Variants in TENM2 observed in about 807,000 individuals in gnomAD.
The protein encoded by TENM2 is teneurin transmembrane protein 2.
In TENM2, 52 loss-of-function variants were observed where a neutral mutation model predicts 245.2. The ratio of observed to expected loss-of-function variants is 0.21; its 90% confidence interval spans 0.17 to 0.27. The LOEUF (loss-of-function observed/expected upper bound fraction) is 0.27, where lower values mean the gene tolerates loss of function less well. Ranked by LOEUF, TENM2 falls within the 10% of genes least tolerant of loss-of-function variation. TENM2 has a pLI of 1.00. For missense variants in TENM2, 3,046 were observed against 3,666.8 expected, an observed-to-expected ratio of 0.83 and a Z score of 4.37; for synonymous variants, 1,363 against 1,438.9, an observed-to-expected ratio of 0.95 and a Z score of 1.19.
At chr5:167,289,202 G>A (rs1754501118) in intron 1 of TENM2, among the ~76,000 whole-genome samples, 1 of 152,144 alleles carries the variant, frequency 6.6e-6, no homozygotes, top group Non-Finnish European at 1.5e-5. Flanking sequence ...CTCCCTTATG[G>A]TCATCACCTT....
intron 2 of TENM2, among the ~76,000 whole-genome samples, chr5:167,744,820 CAAACAAAACA>C (rs144300762): frequency 7.5e-5 from 11 of 145,700 alleles, no homozygotes; most frequent in South Asian, 2.1e-4. Flanking sequence ...AACAAACAAA[CAAACAAAACA>C]AAACAAAACA....
the TENM2 span, among the ~76,000 whole-genome samples, chr5:167,244,395 A>G: frequency 2.6e-5 from 4 of 152,244 alleles, no homozygotes; most frequent in Admixed American, 6.5e-5. Flanking sequence ...TTATATTTAA[A>G]GAAAAACAGG....
chr5:167,281,190 C>T (rs1302662247), upstream of TENM2, among the ~76,000 whole-genome samples: 1 of 151,186 alleles, frequency 6.6e-6, no homozygotes, highest in African/African-American at 2.4e-5. Flanking sequence ...CTCACTGCAA[C>T]CTCCGCTTTC....
chr5:168,102,334 A>G (rs1016570562), intron 9 of TENM2, among the ~76,000 whole-genome samples: 1 of 152,192 alleles, frequency 6.6e-6, no homozygotes, highest in African/African-American at 2.4e-5. Context: ...CAGCCTCCCA[A>G]AGTGCTGGGA....
chr5:167,671,115 G>A (rs909727535), intron 2 of TENM2, among the ~76,000 whole-genome samples: 1 of 152,046 alleles, frequency 6.6e-6, no homozygotes, highest in Non-Finnish European at 1.5e-5. Flanking sequence ...AAGTATAGAG[G>A]ATATAGAAGA....
the TENM2 span, among the ~76,000 whole-genome samples, chr5:167,085,917 C>T: frequency 6.6e-6 from 1 of 152,208 alleles, no homozygotes; most frequent in Non-Finnish European, 1.5e-5. Context: ...GCGATCACTA[C>T]TCTTGTATTG....
intron 2 of TENM2, among the ~76,000 whole-genome samples, chr5:167,449,467 T>C (rs1048012325): frequency 6.6e-6 from 1 of 151,938 alleles, no homozygotes; most frequent in African/African-American, 2.4e-5. Flanking sequence ...TAACAATGGC[T>C]GAGCTATGTT....
intron 25 of TENM2, among the ~76,000 whole-genome samples, chr5:168,230,135 G>T (rs1043925677): frequency 6.6e-6 from 1 of 152,102 alleles, no homozygotes; most frequent in Non-Finnish European, 1.5e-5. Flanking sequence ...AGGCACACAA[G>T]TCTTATAACT....
chr5:167,814,309 C>T (rs1440127691), intron 2 of TENM2, among the ~76,000 whole-genome samples: 1 of 151,926 alleles, frequency 6.6e-6, no homozygotes, highest in South Asian at 2.1e-4. Flanking sequence ...TGAAAAGTAG[C>T]ACGTAGGCTC....
At chr5:168,190,738 A>G (rs935903521) in intron 14 of TENM2, 191 bp downstream of exon 16, 6 of 532,902 alleles carry the variant, frequency 1.1e-5, no homozygotes, top group African/African-American at 9.6e-5. Context: ...ACAGAGCCCT[A>G]GTGTCTTTGC....
At chr5:167,989,268 AAGAG>A (rs10617322) in intron 4 of TENM2, among the ~76,000 whole-genome samples, 8,222 of 144,898 alleles carry the variant, frequency 0.057, 231 homozygotes, top group African/African-American at 0.079. Context: ...AAGATAGAGA[AAGAG>A]AGAGAGAGAG....
intron 9 of TENM2, among the ~76,000 whole-genome samples, chr5:168,101,119 T>C (rs991043314): frequency 1.3e-5 from 2 of 151,972 alleles, no homozygotes; most frequent in Non-Finnish European, 1.5e-5. Flanking sequence ...GGGTCACTGA[T>C]GGAGCAAGGA....
chr5:167,640,860 C>CATATATATATATATATATAT lies in TENM2; in HGVS notation c.503-235099_503-235080dup, dbSNP rs58985992. 6.3e-4 allele frequency among the ~76,000 whole-genome samples: 30 copies of CATATATATATATATATATAT among 47,400 alleles called. 2 individuals carry two copies. The highest frequency in any genetic ancestry group is 1.5e-3 in the Non-Finnish European group (24 of 15,562). 31.1% of individuals were successfully genotyped at this position (47,400 alleles called of 152,430 possible). A position where few individuals can be genotyped will look rare whatever the true frequency, so the allele number is the denominator to read the frequency against. ...ATATATCCATATATATATATATATCCATATATATATATATATATATATATA... is the reference window on the plus strand; with the variant it reads ...ATATATCCATATATATATATATATCCATATATATATATATATATATATATATATATATATATATATATATA... On this transcript the variant is annotated intron_variant, in intron 2 of 28. Coordinates refer to ENST00000518659, the Ensembl canonical transcript of TENM2.
At chr5:168,150,854 C>T (rs1421559779) in intron 12 of TENM2, among the ~76,000 whole-genome samples, 2 of 152,116 alleles carry the variant, frequency 1.3e-5, no homozygotes, top group East Asian at 3.8e-4. Flanking sequence ...TGATTATGAC[C>T]CTGGGAAAGT....
intron 2 of TENM2, among the ~76,000 whole-genome samples, chr5:167,734,049 T>G (rs12653276): frequency 0.015 from 2,315 of 152,330 alleles, 72 homozygotes; most frequent in East Asian, 0.13. Flanking sequence ...CTTGCTGCAT[T>G]GTTCTGGAGA....
In TENM2 at chr5:167,900,336, G is replaced by A. The variant is rs73803266; in HGVS notation, c.712+24141G>A. 1.6e-3 allele frequency among the ~76,000 whole-genome samples: 248 copies of A among 152,200 alleles called. 1 individual carries two copies. The highest frequency in any genetic ancestry group is 5.7e-3 in the African/African-American group (235 of 41,530). On this transcript the variant is annotated intron_variant, in intron 3 of 28. Coordinates refer to ENST00000518659, the Ensembl canonical transcript of TENM2. ...TACATGAAACCACCGTCAGTTATGT[G>A]GGGGAGGAATTATTATCTGTGTATC...
the TENM2 span, among the ~76,000 whole-genome samples, chr5:167,035,037 C>G: frequency 6.6e-6 from 1 of 152,272 alleles, no homozygotes; most frequent in Admixed American, 6.5e-5. Context: ...CATAGACAGT[C>G]TTTGCATTCA....
the TENM2 span, among the ~76,000 whole-genome samples, chr5:167,115,037 A>C: frequency 6.6e-6 from 1 of 152,358 alleles, no homozygotes; most frequent in African/African-American, 2.4e-5. Flanking sequence ...GGATTTGCAA[A>C]AAACAAAGTC....
rs1027933849 is a variant in TENM2, at chr5:168,152,364, GCAACAACAA to G, written c.2423-10237_2423-10229del. On this transcript the variant is annotated intron_variant, in intron 12 of 28. Coordinates refer to ENST00000518659, the Ensembl canonical transcript of TENM2. Reference sequence around the variant, plus strand: ...TACATTTCCTGAAGTTACACTAGGAGCAACAACAACAACAACAAAATGGCAATTTATGGT... The same window carrying G: ...TACATTTCCTGAAGTTACACTAGGAGCAACAACAAAATGGCAATTTATGGT... Among the ~76,000 whole-genome samples, 4 of 152,032 alleles carry G rather than the reference GCAACAACAA, an allele frequency of 2.6e-5. No individual in the cohort carries two copies. In the East Asian group the frequency reaches 7.7e-4, roughly 29 times the overall value.
Sources: allele counts gnomAD v4.1 joint callset (sites outside exome capture counted in the v4.1 genomes callset), GRCh38; gene constraint gnomAD v4.1.1; transcripts MANE v1.5; gene names NCBI Gene and HGNC (gene_info 2026-07-23, HGNC 2026-07-21).